Variants in CNTN1 observed in about 807,000 individuals in gnomAD.
CNTN1 encodes the protein contactin 1.
Under a neutral mutation model 126.4 loss-of-function variants are expected in CNTN1, and 38 were observed. The observed-to-expected ratio is 0.30, with a 90% CI of 0.23 to 0.39. The LOEUF (loss-of-function observed/expected upper bound fraction) is 0.39, where lower values mean the gene tolerates loss of function less well. Among genes scored for constraint, CNTN1 ranks in the 10% least tolerant of loss-of-function variants. The probability of loss-of-function intolerance (pLI) is 1.00; values close to 1 mark genes in which losing one functional copy is unlikely to be tolerated. For synonymous variants in CNTN1, 413 were observed against 422.6 expected (o/e 0.98, Z 0.28); for missense variants, 1,009 against 1,248.4 (o/e 0.81, Z 2.89).
intron 1 of CNTN1, among the ~76,000 whole-genome samples, chr12:40,796,771 C>T (rs1024020282): frequency 8.6e-5 from 13 of 152,024 alleles, no homozygotes; most frequent in East Asian, 1.9e-4. Flanking sequence ...AAAATGAGTT[C>T]GGACAAAAGT....
intron 1 of CNTN1, among the ~76,000 whole-genome samples, chr12:40,894,706 T>C (rs1944348305): frequency 6.6e-6 from 1 of 152,186 alleles, no homozygotes; most frequent in Admixed American, 6.5e-5. Flanking sequence ...TGAGTATATT[T>C]CATTTCCCTT....
At chr12:41,028,053 A>G in intron 22 of CNTN1, 84 bp downstream of exon 22, 1 of 1,014,954 alleles carries the variant, frequency 9.9e-7, no homozygotes, top group Non-Finnish European at 1.5e-6. Context: ...TTTTTTTGAG[A>G]TGGAATTTTG....
chr12:40,978,882 C>T (rs551890525), intron 15 of CNTN1: 1 of 152,224 alleles, frequency 6.6e-6, no homozygotes, highest in East Asian at 1.9e-4. Flanking sequence ...GAAAAAGTAA[C>T]TGAATGCATG....
intron 11 of CNTN1, 90 bp from the exon 12 acceptor site, chr12:40,939,245 A>G (rs1946182917): frequency 1.5e-6 from 2 of 1,347,382 alleles, no homozygotes; most frequent in African/African-American, 1.5e-5. Context: ...TCCATTAACT[A>G]TTAAGGAGAA....
intron 1 of CNTN1, among the ~76,000 whole-genome samples, chr12:40,732,252 A>G (rs1225395116): frequency 6.6e-6 from 1 of 152,036 alleles, no homozygotes. Flanking sequence ...TTTTCTAGCT[A>G]TCTTTGAAAA....
chr12:40,879,965 A>G (rs953076448), intron 1 of CNTN1, among the ~76,000 whole-genome samples: 39 of 152,264 alleles, frequency 2.6e-4, no homozygotes, highest in African/African-American at 9.4e-4. Flanking sequence ...GTCTTATCAA[A>G]CAAGCTGAAT....
intron 1 of CNTN1, chr12:40,729,538 A>G (rs915619682): frequency 2.7e-5 from 6 of 225,860 alleles, no homozygotes; most frequent in Admixed American, 2.5e-4. Flanking sequence ...CCATCAATGC[A>G]GTGAAACCTG....
intron 1 of CNTN1, among the ~76,000 whole-genome samples, chr12:40,771,873 T>G (rs1396103488): frequency 1.3e-5 from 2 of 152,096 alleles, no homozygotes; most frequent in Non-Finnish European, 1.5e-5. Context: ...ATGGTCTTGA[T>G]CTGCACCCTC....
At chr12:40,862,761 G>T (rs1297218701) in intron 1 of CNTN1, among the ~76,000 whole-genome samples, 1 of 152,068 alleles carries the variant, frequency 6.6e-6, no homozygotes, top group Non-Finnish European at 1.5e-5. Flanking sequence ...TCTGAACTGG[G>T]TAAAGACTCC....
chr12:40,810,817 A>G (rs1592112182), intron 1 of CNTN1, among the ~76,000 whole-genome samples: 1 of 152,184 alleles, frequency 6.6e-6, no homozygotes, highest in East Asian at 1.9e-4. Context: ...AAGAGTTTGA[A>G]ACCAGCTAGG....
chr12:40,843,818 T>C (rs959760361), intron 1 of CNTN1, among the ~76,000 whole-genome samples: 4 of 152,116 alleles, frequency 2.6e-5, no homozygotes, highest in Admixed American at 1.3e-4. Context: ...TAGTACATCG[T>C]TTCTTTGGAA....
intron 19 of CNTN1, among the ~76,000 whole-genome samples, chr12:41,018,860 G>T (rs1299250281): frequency 2.0e-5 from 3 of 152,028 alleles, no homozygotes; most frequent in African/African-American, 7.2e-5. Flanking sequence ...TCATTCAGCA[G>T]AAATATGATA....
chr12:40,996,346 G>A (rs1948218477), intron 17 of CNTN1, among the ~76,000 whole-genome samples: 1 of 152,024 alleles, frequency 6.6e-6, no homozygotes, highest in African/African-American at 2.4e-5. Context: ...TTGCCCAGCT[G>A]ATCTTGAACT....
At chr12:41,025,699 C>T (rs1410065020) in intron 21 of CNTN1, among the ~76,000 whole-genome samples, 2 of 152,180 alleles carry the variant, frequency 1.3e-5, no homozygotes, top group Admixed American at 1.3e-4. Flanking sequence ...CTTATTTTTA[C>T]ATGCTTTAAT....
chr12:40,836,104 A>C (rs567857992), intron 1 of CNTN1, among the ~76,000 whole-genome samples: 249 of 148,080 alleles, frequency 1.7e-3, no homozygotes, highest in South Asian at 5.3e-3. Flanking sequence ...ATATATACGT[A>C]CATATACAGG....
intron 1 of CNTN1, among the ~76,000 whole-genome samples, chr12:40,846,331 G>C (rs1942499785): frequency 6.6e-6 from 1 of 152,192 alleles, no homozygotes; most frequent in South Asian, 2.1e-4. Flanking sequence ...AGCAGGGCAT[G>C]GTGGCGGGCG....
At chr12:40,908,288 C>A in intron 1 of CNTN1, 69 bp from the exon 2 acceptor site, 1 of 608,772 alleles carries the variant, frequency 1.6e-6, no homozygotes, top group Non-Finnish European at 2.9e-6. Context: ...CTCCTCTCCT[C>A]CTCTCCCCTT....
intron 1 of CNTN1, among the ~76,000 whole-genome samples, chr12:40,863,926 T>TCCTTCCTTCCTTCCTCCCTCCCTCCCTC (rs760801289): frequency 7.7e-6 from 1 of 129,096 alleles, no homozygotes; most frequent in African/African-American, 3.8e-5. Context: ...CTTCCTTCCT[T>TCCTTCCTTCCTTCCTCCCTCCCTCCCTC]CCTCCCTCCC....
intron 1 of CNTN1, among the ~76,000 whole-genome samples, chr12:40,861,515 AT>A (rs917682081): frequency 3.4e-4 from 52 of 151,278 alleles, no homozygotes; most frequent in African/African-American, 1.2e-3. Flanking sequence ...TTTCTCTTTG[AT>A]TTTTTTTTCT....
Sources: allele counts gnomAD v4.1 joint callset (sites outside exome capture counted in the v4.1 genomes callset), GRCh38; gene constraint gnomAD v4.1.1; transcripts MANE v1.5; gene names NCBI Gene and HGNC (gene_info 2026-07-23, HGNC 2026-07-21).